The following CSMD1 variants were observed in gnomAD, a reference collection of about 807,000 sequenced individuals.
The protein encoded by CSMD1 is CUB and sushi domain-containing protein 1.
CSMD1 carries 213 observed loss-of-function variants against 417.5 expected under a neutral mutation model. That is an observed-to-expected ratio of 0.51 (90% CI 0.46 to 0.57). The LOEUF (loss-of-function observed/expected upper bound fraction) is 0.57. CSMD1 is among the 20% of genes least tolerant of loss of function. The pLI is 0.00. For synonymous variants in CSMD1, 2,862 were observed against 1,736.8 expected, an observed-to-expected ratio of 1.65 and a Z score of -16.11; for missense variants, 6,923 against 4,529.7, an observed-to-expected ratio of 1.53 and a Z score of -15.17.
intron 1 of CSMD1, among the ~76,000 whole-genome samples, chr8:4,858,391 C>T (rs563616711): frequency 2.6e-5 from 4 of 151,140 alleles, no homozygotes; most frequent in Non-Finnish European, 5.9e-5. Flanking sequence ...TCCTATTCAA[C>T]GTAGTGTTGG....
intron 2 of CSMD1, among the ~76,000 whole-genome samples, chr8:4,636,425 C>A (rs1250835819): frequency 6.6e-6 from 1 of 152,030 alleles, no homozygotes; most frequent in African/African-American, 2.4e-5. Context: ...TTGTCTAAAC[C>A]ACAAATTCTC....
At chr8:4,232,917 A>G (rs979119473) in intron 3 of CSMD1, among the ~76,000 whole-genome samples, 14 of 152,168 alleles carry the variant, frequency 9.2e-5, no homozygotes, top group Non-Finnish European at 1.9e-4. Flanking sequence ...AATTCACAAG[A>G]ATTCTTTGTT....
At position 3,535,241 on chromosome 8, in the gene CSMD1, C is replaced by A. The variant is rs888994593; in HGVS notation, c.1344+39704G>T. On this transcript the variant is annotated intron_variant, in intron 10 of 69. Coordinates refer to ENST00000635120, the MANE Select transcript of CSMD1 (RefSeq NM_033225.6). ...GCTCTAGGATTACAGGCATGAGCCACCGCACCCAGCCACTGTGGGAAGCTA... is the reference window on the plus strand; with the variant it reads ...GCTCTAGGATTACAGGCATGAGCCAACGCACCCAGCCACTGTGGGAAGCTA... 3.3e-5 allele frequency among the ~76,000 whole-genome samples: 5 copies of A among 152,282 alleles called. 1 individual carries two copies. In the South Asian group the frequency reaches 1.0e-3, roughly 32 times the overall value.
chr8:4,483,636 A>C (rs1014847850), intron 2 of CSMD1, among the ~76,000 whole-genome samples: 1 of 152,212 alleles, frequency 6.6e-6, no homozygotes, highest in Non-Finnish European at 1.5e-5. Flanking sequence ...TAAAACAGCA[A>C]AATGTGATTT....
At chr8:3,027,023 A>C (rs4398946) in intron 51 of CSMD1, among the ~76,000 whole-genome samples, 22,616 of 152,208 alleles carry the variant, frequency 0.15, 1,843 homozygotes, top group East Asian at 0.26. Flanking sequence ...TTAAACAAAA[A>C]GTCACACACT....
chr8:3,362,908 C>A (rs189495038), intron 20 of CSMD1, among the ~76,000 whole-genome samples: 1 of 152,192 alleles, frequency 6.6e-6, no homozygotes, highest in African/African-American at 2.4e-5. Flanking sequence ...TTGAGACTCA[C>A]GCATTGTCTT....
At chr8:3,835,933 A>G (rs1032795991) in intron 5 of CSMD1, among the ~76,000 whole-genome samples, 15 of 152,044 alleles carry the variant, frequency 9.9e-5, no homozygotes, top group African/African-American at 3.6e-4. Context: ...CGTAGGAACA[A>G]TATGGGTCCA....
At chr8:4,632,618 T>C (rs1457281922) in intron 2 of CSMD1, among the ~76,000 whole-genome samples, 1 of 152,142 alleles carries the variant, frequency 6.6e-6, no homozygotes, top group Non-Finnish European at 1.5e-5. Flanking sequence ...ATTAGACATC[T>C]GAATGTACAA....
rs150319118 is a variant in CSMD1, at chr8:3,794,111, C to T, written c.819-40069G>A. Among the ~76,000 whole-genome samples, 889 of 152,278 alleles carry T rather than the reference C, an allele frequency of 5.8e-3. 10 individuals are homozygous for T. Among genetic ancestry groups the T allele is most frequent in the South Asian group, 0.038 (184 of 4,828 alleles). On this transcript the variant is annotated intron_variant, in intron 5 of 69. Coordinates refer to ENST00000635120, the MANE Select transcript of CSMD1 (RefSeq NM_033225.6). The stretch of plus-strand genomic sequence containing the variant: ...CATGAAAAATGCAGGGTCGCAGGCA[C>T]ACACCCTGCCTAATGAACCGGTGTT...
chr8:4,111,047 T>C (rs551257412), intron 3 of CSMD1, among the ~76,000 whole-genome samples: 124 of 152,304 alleles, frequency 8.1e-4, no homozygotes, highest in African/African-American at 3.0e-3. Flanking sequence ...AATAACTTAA[T>C]AAACCTTGCA....
At chr8:3,231,556 C>A (rs1484459848) in intron 26 of CSMD1, among the ~76,000 whole-genome samples, 2 of 151,938 alleles carry the variant, frequency 1.3e-5, no homozygotes, top group Non-Finnish European at 2.9e-5. Context: ...ATAATAAAAT[C>A]CATTTAAATA....
At chr8:3,372,845 G>A (rs1810058200) in intron 18 of CSMD1, among the ~76,000 whole-genome samples, 3 of 152,192 alleles carry the variant, frequency 2.0e-5, no homozygotes, top group Admixed American at 2.0e-4. Flanking sequence ...AACACCAGTG[G>A]CAGTGAATGT....
chr8:3,908,124 G>A (rs528834215), intron 5 of CSMD1, among the ~76,000 whole-genome samples: 60 of 152,228 alleles, frequency 3.9e-4, no homozygotes, highest in African/African-American at 1.4e-3. Flanking sequence ...GCCCCTCTGA[G>A]AATAACAAAT....
At chr8:4,232,104 T>C (rs1228238013) in intron 3 of CSMD1, among the ~76,000 whole-genome samples, 3 of 152,222 alleles carry the variant, frequency 2.0e-5, no homozygotes, top group African/African-American at 7.2e-5. Flanking sequence ...CATTCATGCT[T>C]CTGATACTTT....
At chr8:3,994,876 C>G (rs578141144) in intron 5 of CSMD1, among the ~76,000 whole-genome samples, 1 of 152,210 alleles carries the variant, frequency 6.6e-6, no homozygotes, top group African/African-American at 2.4e-5. Context: ...TCTGAGAGTG[C>G]CCTTGCTTAT....
intron 2 of CSMD1, among the ~76,000 whole-genome samples, chr8:4,619,499 T>C (rs529009597): frequency 6.6e-6 from 1 of 152,278 alleles, no homozygotes; most frequent in East Asian, 1.9e-4. Flanking sequence ...ACTAGGTAAC[T>C]GCAAAATGTC....
intron 3 of CSMD1, among the ~76,000 whole-genome samples, chr8:4,208,410 G>T (rs1379042410): frequency 6.6e-6 from 1 of 152,114 alleles, no homozygotes; most frequent in African/African-American, 2.4e-5. Context: ...TAATTACCAT[G>T]TTATGAAAAC....
intron 47 of CSMD1, among the ~76,000 whole-genome samples, chr8:3,092,910 T>A (rs1350098436): frequency 1.3e-5 from 2 of 152,154 alleles, no homozygotes; most frequent in African/African-American, 4.8e-5. Context: ...CTCATTGTTG[T>A]TCATAATACA....
At chr8:3,215,726 C>T (rs1382532572) in intron 29 of CSMD1, among the ~76,000 whole-genome samples, 1 of 152,048 alleles carries the variant, frequency 6.6e-6, no homozygotes, top group African/African-American at 2.4e-5. Flanking sequence ...TAAAATATCT[C>T]TAAATGAAAA....
Sources: gnomAD v4.1 joint callset for allele counts (sites outside exome capture counted in the v4.1 genomes callset) on GRCh38, gnomAD v4.1.1 for gene constraint, MANE v1.5 for transcripts, NCBI Gene and HGNC (gene_info 2026-07-23, HGNC 2026-07-21) for gene names.